The following IGFL2 variants were observed in gnomAD, a reference collection of about 807,000 sequenced individuals.
The protein encoded by IGFL2 is insulin growth factor-like family member 2.
IGFL2 carries 7 observed loss-of-function variants against 13.9 expected under a neutral mutation model. That is an observed-to-expected ratio of 0.51 (90% CI 0.29 to 0.95). The LOEUF is 0.95. IGFL2 is among the 40% of genes least tolerant of loss of function. The probability of loss-of-function intolerance (pLI) is 0.08; values close to 1 mark genes in which losing one functional copy is unlikely to be tolerated. For synonymous variants in IGFL2, 55 were observed against 55.8 expected, an observed-to-expected ratio of 0.99 and a Z score of 0.07; for missense variants, 138 against 147.8, an observed-to-expected ratio of 0.93 and a Z score of 0.34.
chr19:46,123,933 A>G, the IGFL2 span: 1 of 1,611,362 alleles, frequency 6.2e-7, no homozygotes, highest in South Asian at 1.1e-5. Flanking sequence ...GAGACTTCAT[A>G]CCCAGAACCC....
At chr19:46,161,318 C>G (rs906552091), downstream of IGFL2, 2 of 239,098 alleles carry the variant, frequency 8.4e-6, no homozygotes, top group South Asian at 2.2e-4. Context: ...CGTCTCCTTT[C>G]TTTTTTTTTT....
chr19:46,195,095 A>T, the IGFL2 span: 1 of 150,106 alleles, frequency 6.7e-6, no homozygotes, highest in African/African-American at 2.5e-5. Context: ...AGCTGACTAC[A>T]ACCTCCACCT....
upstream of IGFL2, among the ~76,000 whole-genome samples, chr19:46,144,470 A>AT (rs1382574895): frequency 6.6e-6 from 1 of 152,166 alleles, no homozygotes; most frequent in Non-Finnish European, 1.5e-5. Context: ...GTATCATATC[A>AT]TACCATATCT....
At chr19:46,192,589 T>C in the IGFL2 span, among the ~76,000 whole-genome samples, 1 of 151,784 alleles carries the variant, frequency 6.6e-6, no homozygotes, top group Non-Finnish European at 1.5e-5. Context: ...CGGGCTAACT[T>C]TTGTATTTTT....
chr19:46,081,686 A>G, the IGFL2 span, among the ~76,000 whole-genome samples: 5 of 151,658 alleles, frequency 3.3e-5, no homozygotes, highest in Non-Finnish European at 7.4e-5. Flanking sequence ...TTACCTCTGC[A>G]CAGTTCTTCT....
the IGFL2 span, among the ~76,000 whole-genome samples, chr19:46,167,097 T>G: frequency 6.7e-4 from 102 of 152,344 alleles, no homozygotes; most frequent in Non-Finnish European, 1.3e-3. Flanking sequence ...TGTTTAGAGA[T>G]TGCAGTGAAG....
At chr19:46,176,878 G>T in the IGFL2 span, among the ~76,000 whole-genome samples, 1 of 152,278 alleles carries the variant, frequency 6.6e-6, no homozygotes, top group African/African-American at 2.4e-5. Context: ...TCACTGGGCT[G>T]CACCCCACAT....
downstream of IGFL2, among the ~76,000 whole-genome samples, chr19:46,165,741 A>G (rs1480186582): frequency 6.6e-6 from 1 of 152,220 alleles, no homozygotes; most frequent in African/African-American, 2.4e-5. Context: ...CCAGCCATCC[A>G]CTGATAGTAT....
At chr19:46,099,694 AT>A in the IGFL2 span, among the ~76,000 whole-genome samples, 1 of 151,622 alleles carries the variant, frequency 6.6e-6, no homozygotes, top group South Asian at 2.1e-4. Flanking sequence ...CGCCTGGCTA[AT>A]TTTTGTATTT....
upstream of IGFL2, among the ~76,000 whole-genome samples, chr19:46,145,598 A>ATGTGTGTGTGTGTG (rs765380139): frequency 1.6e-3 from 223 of 138,442 alleles, 2 homozygotes; most frequent in African/African-American, 6.2e-3. Flanking sequence ...ACACTCATAT[A>ATGTGTGTGTGTGTG]TATGTGTGTG....
intron 1 of IGFL2, chr19:46,160,018 A>G (rs1050987161): frequency 1.6e-4 from 38 of 234,054 alleles, no homozygotes; most frequent in Admixed American, 1.2e-3. Context: ...GCCCAATCCT[A>G]TCTCCAAGAC....
chr19:46,085,876 A>G, the IGFL2 span, among the ~76,000 whole-genome samples: 7 of 152,130 alleles, frequency 4.6e-5, no homozygotes, highest in Non-Finnish European at 1.0e-4. Flanking sequence ...TCTCCTTTGC[A>G]TTTTTGTTCT....
the IGFL2 span, among the ~76,000 whole-genome samples, chr19:46,083,212 A>C: frequency 6.6e-6 from 1 of 152,270 alleles, no homozygotes; most frequent in African/African-American, 2.4e-5. Context: ...GATGCAGTGC[A>C]CAAAGACATA....
chr19:46,080,606 A>T, the IGFL2 span, among the ~76,000 whole-genome samples: 1 of 152,184 alleles, frequency 6.6e-6, no homozygotes, highest in Non-Finnish European at 1.5e-5. Context: ...TTCCAAAAAG[A>T]GGTTGAGATC....
At chr19:46,150,574 T>C (rs899940904) in intron 1 of IGFL2, among the ~76,000 whole-genome samples, 4 of 152,218 alleles carry the variant, frequency 2.6e-5, no homozygotes, top group African/African-American at 9.6e-5. Flanking sequence ...AAATGATAAA[T>C]CAAATTAATT....
the IGFL2 span, among the ~76,000 whole-genome samples, chr19:46,206,074 G>A: frequency 3.9e-5 from 6 of 152,180 alleles, no homozygotes; most frequent in East Asian, 1.2e-3. Flanking sequence ...AATGTAGAGA[G>A]AAGAGTCCAA....
intron 1 of IGFL2, among the ~76,000 whole-genome samples, chr19:46,157,535 A>G (rs575303369): frequency 1.3e-5 from 2 of 152,346 alleles, no homozygotes; most frequent in South Asian, 4.1e-4. Flanking sequence ...AAATGACATG[A>G]TCACATCAAT....
chr19:46,176,779 A>G, the IGFL2 span, among the ~76,000 whole-genome samples: 1 of 152,060 alleles, frequency 6.6e-6, no homozygotes, highest in Non-Finnish European at 1.5e-5. Context: ...TGACCGGACC[A>G]CACTCCCCCC....
upstream of IGFL2, chr19:46,147,997 C>T (rs1973230935): frequency 2.6e-6 from 1 of 390,076 alleles, no homozygotes; most frequent in African/African-American, 2.1e-5. Flanking sequence ...GAATGACACT[C>T]ACTCACGGCT....
Sources: allele counts gnomAD v4.1 joint callset (sites outside exome capture counted in the v4.1 genomes callset), GRCh38; gene constraint gnomAD v4.1.1; transcripts MANE v1.5; gene names NCBI Gene and HGNC (gene_info 2026-07-23, HGNC 2026-07-21).